Variants in CSMD1 observed in about 807,000 individuals in gnomAD.
The protein encoded by CSMD1 is CUB and Sushi multiple domains 1, also known as CUB and sushi domain-containing protein 1.
A neutral mutation model predicts 417.5 loss-of-function variants in CSMD1; 213 were observed. That is an observed-to-expected ratio of 0.51 (90% confidence interval 0.46 to 0.57). The LOEUF (loss-of-function observed/expected upper bound fraction) is 0.57. CSMD1 is among the 20% of genes least tolerant of loss of function. The pLI is 0.00. For missense variants in CSMD1, 6,923 were observed against 4,529.7 expected, an observed-to-expected ratio of 1.53 and a Z score of -15.17; for synonymous variants, 2,862 against 1,736.8, an observed-to-expected ratio of 1.65 and a Z score of -16.11.
intron 1 of CSMD1, among the ~76,000 whole-genome samples, chr8:4,720,525 C>G (rs1357950130): frequency 6.6e-6 from 1 of 152,112 alleles, no homozygotes; most frequent in Non-Finnish European, 1.5e-5. Context: ...TCAAGCAAGT[C>G]TCCTGCCTCA....
At chr8:3,428,433 CAAG>C (rs1813994668) in intron 12 of CSMD1, among the ~76,000 whole-genome samples, 1 of 151,994 alleles carries the variant, frequency 6.6e-6, no homozygotes, top group Non-Finnish European at 1.5e-5. Context: ...ACGAAACTGT[CAAG>C]AATATTAAAT....
chr8:3,628,979 A>C (rs2117239818), intron 7 of CSMD1, among the ~76,000 whole-genome samples: 1 of 152,302 alleles, frequency 6.6e-6, no homozygotes, highest in Non-Finnish European at 1.5e-5. Flanking sequence ...GAAGGGAAGG[A>C]GGATAGAGAA....
intron 10 of CSMD1, among the ~76,000 whole-genome samples, chr8:3,566,348 C>G (rs920084604): frequency 6.6e-6 from 1 of 152,108 alleles, no homozygotes; most frequent in Admixed American, 6.5e-5. Flanking sequence ...TTCCTCACAA[C>G]AAAATTTAAA....
chr8:3,083,361 G>C (rs1814249759), intron 49 of CSMD1, among the ~76,000 whole-genome samples: 1 of 151,436 alleles, frequency 6.6e-6, no homozygotes, highest in Non-Finnish European at 1.5e-5. Flanking sequence ...TTTAACACCA[G>C]AGGAAAAGAG....
chr8:3,872,952 A>T (rs973898906), intron 5 of CSMD1, among the ~76,000 whole-genome samples: 2 of 152,206 alleles, frequency 1.3e-5, no homozygotes, highest in Non-Finnish European at 2.9e-5. Context: ...ATATGAAAAA[A>T]AGCTCAACAT....
chr8:3,502,214 A>C (rs1475936848), intron 10 of CSMD1, among the ~76,000 whole-genome samples: 1 of 151,884 alleles, frequency 6.6e-6, no homozygotes, highest in Non-Finnish European at 1.5e-5. Context: ...AATATAAAAA[A>C]ATTAGCCGGG....
intron 10 of CSMD1, among the ~76,000 whole-genome samples, chr8:3,517,243 G>A (rs187745202): frequency 6.6e-6 from 1 of 152,222 alleles, no homozygotes; most frequent in Non-Finnish European, 1.5e-5. Context: ...TGTGATTAGA[G>A]GGAAAACTTG....
intron 1 of CSMD1, among the ~76,000 whole-genome samples, chr8:4,912,512 C>T (rs1358510727): frequency 6.6e-6 from 1 of 152,116 alleles, no homozygotes. Flanking sequence ...AGGCTTCATG[C>T]CAGATGCCCC....
intron 33 of CSMD1, among the ~76,000 whole-genome samples, chr8:3,191,223 G>T (rs1400023020): frequency 2.0e-5 from 3 of 152,332 alleles, no homozygotes; most frequent in South Asian, 4.1e-4. Flanking sequence ...GGGAGGCAGA[G>T]GAGGGTGGAT....
chr8:3,273,375 A>T (rs1802015783), intron 26 of CSMD1, among the ~76,000 whole-genome samples: 2 of 152,018 alleles, frequency 1.3e-5, no homozygotes, highest in Admixed American at 6.6e-5. Flanking sequence ...TTCATCAAGG[A>T]TATTGGTCTA....
chr8:4,531,148 C>T (rs1378184019), intron 2 of CSMD1, among the ~76,000 whole-genome samples: 1 of 152,164 alleles, frequency 6.6e-6, no homozygotes, highest in South Asian at 2.1e-4. Flanking sequence ...GTGAGTAGGA[C>T]ATTTTTTGTA....
At chr8:4,582,790 C>T (rs982435404) in intron 2 of CSMD1, among the ~76,000 whole-genome samples, 2 of 152,228 alleles carry the variant, frequency 1.3e-5, no homozygotes, top group African/African-American at 4.8e-5. Context: ...TTGGCCAAGG[C>T]CGGAGCCCAC....
At chr8:3,152,245 T>TG (rs1819241636) in intron 39 of CSMD1, among the ~76,000 whole-genome samples, 1 of 152,248 alleles carries the variant, frequency 6.6e-6, no homozygotes, top group African/African-American at 2.4e-5. Flanking sequence ...ATCTGAGGTT[T>TG]GACTACAAAG....
At chr8:2,995,559 G>C (rs1308156070) in intron 54 of CSMD1, among the ~76,000 whole-genome samples, 1 of 152,078 alleles carries the variant, frequency 6.6e-6, no homozygotes, top group East Asian at 1.9e-4. Flanking sequence ...ATTTTTCCCA[G>C]AAAAATGAAA....
intron 3 of CSMD1, among the ~76,000 whole-genome samples, chr8:4,061,930 C>A (rs531261253): frequency 6.6e-6 from 1 of 152,264 alleles, no homozygotes; most frequent in South Asian, 2.1e-4. Context: ...GCATTACTGA[C>A]TAACGAAAGA....
intron 51 of CSMD1, among the ~76,000 whole-genome samples, chr8:3,025,123 A>C (rs374019005): frequency 6.6e-6 from 1 of 150,958 alleles, no homozygotes; most frequent in Non-Finnish European, 1.5e-5. Flanking sequence ...TGTTATTCTG[A>C]AACTGTGTAT....
chr8:4,525,809 A>G (rs961819294), intron 2 of CSMD1, among the ~76,000 whole-genome samples: 1 of 152,168 alleles, frequency 6.6e-6, no homozygotes, highest in Admixed American at 6.5e-5. Flanking sequence ...ATTACTATCT[A>G]GAAGCAGCAG....
rs142657578 is a variant in CSMD1, at chr8:3,435,726, C to G, written c.1562-26121G>C. ...ACCTCCTTCCCATCCCAACACCCTACACGTCACTCAATCAGGTTCTTCCTC... is the reference window on the plus strand; with the variant it reads ...ACCTCCTTCCCATCCCAACACCCTAGACGTCACTCAATCAGGTTCTTCCTC... On this transcript the variant is annotated intron_variant, in intron 12 of 69. Coordinates refer to ENST00000635120, the MANE Select transcript of CSMD1 (RefSeq NM_033225.6). Among the ~76,000 whole-genome samples, 783 of 152,308 alleles carry G rather than the reference C, an allele frequency of 5.1e-3. 2 individuals carry two copies. The highest frequency in any genetic ancestry group is 0.017 in the African/African-American group (725 of 41,572).
chr8:3,437,775 T>A (rs1007075247), intron 12 of CSMD1, among the ~76,000 whole-genome samples: 5 of 151,062 alleles, frequency 3.3e-5, no homozygotes, highest in African/African-American at 1.2e-4. Context: ...TGTTTCAGAG[T>A]CTTGCTCTGT....
Sources: gnomAD v4.1 joint callset for allele counts (sites outside exome capture counted in the v4.1 genomes callset) on GRCh38, gnomAD v4.1.1 for gene constraint, MANE v1.5 for transcripts, NCBI Gene and HGNC (gene_info 2026-07-23, HGNC 2026-07-21) for gene names.